ANK3: variants seen among roughly 807,000 people sequenced by gnomAD.
ANK3 encodes the protein ankyrin 3, also known as ankyrin-3.
In ANK3, 57 loss-of-function variants were observed where a neutral mutation model predicts 370.9. The ratio of observed to expected loss-of-function variants is 0.15; its 90% confidence interval spans 0.12 to 0.19. The LOEUF (loss-of-function observed/expected upper bound fraction) is 0.19, where lower values mean the gene tolerates loss of function less well. Ranked by LOEUF, ANK3 falls within the 10% of genes least tolerant of loss-of-function variation. The probability of loss-of-function intolerance (pLI) is 1.00; values close to 1 mark genes in which losing one functional copy is unlikely to be tolerated. For synonymous variants in ANK3, 1,929 were observed against 1,946.3 expected (o/e 0.99, Z 0.23); for missense variants, 4,439 against 5,302.1 (o/e 0.84, Z 5.06).
At chr10:60,509,317 T>G (rs2076021513) in intron 2 of ANK3, among the ~76,000 whole-genome samples, 2 of 152,158 alleles carry the variant, frequency 1.3e-5, no homozygotes, top group South Asian at 4.1e-4. Flanking sequence ...TCACATATTG[T>G]GTCAAATACC....
intron 8 of ANK3, among the ~76,000 whole-genome samples, chr10:60,231,690 A>C (rs2097249318): frequency 1.3e-5 from 2 of 152,178 alleles, no homozygotes; most frequent in Non-Finnish European, 2.9e-5. Flanking sequence ...ATTTTGATGA[A>C]GAGAACACAA....
chr10:60,157,939 G>A (rs555262623), intron 23 of ANK3, among the ~76,000 whole-genome samples: 10 of 149,258 alleles, frequency 6.7e-5, no homozygotes, highest in Non-Finnish European at 1.2e-4. Flanking sequence ...CGGCAGGGAA[G>A]GAGGGAGGGA....
At chr10:60,320,529 G>T (rs559207667) in intron 1 of ANK3, among the ~76,000 whole-genome samples, 99 of 152,308 alleles carry the variant, frequency 6.5e-4, no homozygotes, top group African/African-American at 2.3e-3. Context: ...AACCTAGGAG[G>T]TGAAGGTTGC....
intron 2 of ANK3, among the ~76,000 whole-genome samples, chr10:60,503,115 T>C (rs1174377413): frequency 6.6e-6 from 1 of 152,220 alleles, no homozygotes; most frequent in Non-Finnish European, 1.5e-5. Flanking sequence ...GTAGGTTGAA[T>C]GGATTCTGTT....
At position 60,080,579 on chromosome 10, in the gene ANK3, C is replaced by G; in HGVS notation, c.4390G>C (p.Ala1464Pro). The part of the protein sequence containing the change: ...TDRRQSFASL[A>P]LRKRYSYLTE... ...AAGTAGCTGTAGCGCTTACGTAAAGCTAAGGATGCGAAGCTCTGTCGTCTA... is the reference window on the plus strand; with the variant it reads ...AAGTAGCTGTAGCGCTTACGTAAAGGTAAGGATGCGAAGCTCTGTCGTCTA... The change falls in exon 36 of 44, where the codon GCT becomes CCT. Residue 1464 changes from alanine to proline, a missense_variant. Transcript: ENST00000280772. The G allele has an allele frequency of 6.2e-7, 1 of 1,609,184 alleles. No individual in the cohort carries two copies. The highest frequency in any genetic ancestry group is 8.5e-7 in the Non-Finnish European group (1 of 1,178,682).
chr10:60,636,344 C>A (rs1284336476), intron 1 of ANK3, among the ~76,000 whole-genome samples: 1 of 152,102 alleles, frequency 6.6e-6, no homozygotes, highest in African/African-American at 2.4e-5. Flanking sequence ...AGTGACTTGA[C>A]CAAGATTGCT....
chr10:60,498,289 T>C (rs1015468175), intron 2 of ANK3, among the ~76,000 whole-genome samples: 3 of 152,360 alleles, frequency 2.0e-5, no homozygotes, highest in African/African-American at 2.4e-5. Flanking sequence ...GTTTGTGATA[T>C]GCAGTTCAGT....
At chr10:60,130,938 CTG>C (rs2094028995) in intron 25 of ANK3, among the ~76,000 whole-genome samples, 1 of 152,296 alleles carries the variant, frequency 6.6e-6, no homozygotes, top group Admixed American at 6.5e-5. Context: ...AGTTGAAAAA[CTG>C]TATAAAAAAT....
chr10:60,446,428 C>A (rs191108028), intron 2 of ANK3, among the ~76,000 whole-genome samples: 126 of 152,280 alleles, frequency 8.3e-4, no homozygotes, highest in African/African-American at 2.8e-3. Context: ...GTGAGCCCCC[C>A]CTTCCTCTTC....
chr10:60,240,271 TAC>T (rs1399752137), intron 7 of ANK3, among the ~76,000 whole-genome samples: 2,809 of 124,394 alleles, frequency 0.023, 109 homozygotes, highest in African/African-American at 0.077. Flanking sequence ...CACATATATA[TAC>T]ACACACACAT....
chr10:60,154,891 A>G (rs938586690), intron 23 of ANK3, among the ~76,000 whole-genome samples: 10 of 151,922 alleles, frequency 6.6e-5, no homozygotes, highest in Admixed American at 1.3e-4. Context: ...GTTAAAATCT[A>G]TTTGAAATTA....
intron 2 of ANK3, among the ~76,000 whole-genome samples, chr10:60,541,311 G>A (rs952901240): frequency 3.9e-4 from 60 of 151,980 alleles, no homozygotes; most frequent in African/African-American, 1.3e-3. Flanking sequence ...TCTCTATATT[G>A]TTCATATTTC....
intron 2 of ANK3, among the ~76,000 whole-genome samples, chr10:60,559,235 C>G (rs958960835): frequency 2.0e-5 from 3 of 152,104 alleles, no homozygotes; most frequent in African/African-American, 7.2e-5. Flanking sequence ...ACACTGTACC[C>G]ATTGTATAGT....
intron 2 of ANK3, among the ~76,000 whole-genome samples, chr10:60,462,374 C>A (rs1433863303): frequency 3.3e-5 from 5 of 152,000 alleles, no homozygotes; most frequent in Admixed American, 1.3e-4. Flanking sequence ...TCTTTGATAA[C>A]CCTGAGTGTA....
At chr10:60,347,842 G>A (rs1016735683) in intron 1 of ANK3, among the ~76,000 whole-genome samples, 1 of 152,290 alleles carries the variant, frequency 6.6e-6, no homozygotes, top group South Asian at 2.1e-4. Flanking sequence ...GTTCTCAGCT[G>A]ATGCTGATTC....
At chr10:60,336,094 G>A (rs144194214) in intron 1 of ANK3, among the ~76,000 whole-genome samples, 5 of 151,940 alleles carry the variant, frequency 3.3e-5, no homozygotes, top group Non-Finnish European at 5.9e-5. Flanking sequence ...GTTTGGCGGG[G>A]GGGGGAAGCT....
At chr10:60,274,666 C>T (rs1250745883) in intron 4 of ANK3, among the ~76,000 whole-genome samples, 1 of 152,198 alleles carries the variant, frequency 6.6e-6, no homozygotes, top group African/African-American at 2.4e-5. Context: ...TCTTCTCACT[C>T]TGTTCTCCCA....
intron 1 of ANK3, among the ~76,000 whole-genome samples, chr10:60,706,241 C>A (rs1303558853): frequency 2.0e-5 from 3 of 152,162 alleles, no homozygotes; most frequent in African/African-American, 7.2e-5. Flanking sequence ...CACCTAAATG[C>A]AAAGGGCATC....
Position 60,074,056 on chromosome 10 carries a change from G to A in ANK3, c.6825C>T (p.Asp2275=), listed in dbSNP as rs1412187383. Residue 2275 remains aspartate (D), a synonymous_variant, in exon 37 of 44, where the codon GAC becomes GAT. Transcript: ENST00000280772. ...GCCCGGACTGAAAGGCCTTCATGAT[G>A]TCATGGACTGACATGGTTTCTTCAA... ...ERIEETMSVH[D]IMKAFQSGRD... 1 of 1,613,978 alleles carries A rather than the reference G, an allele frequency of 6.2e-7. No homozygotes were observed. Among genetic ancestry groups the A allele is most frequent in the Non-Finnish European group, 8.5e-7 (1 of 1,180,002 alleles).
Sources: allele counts gnomAD v4.1 joint callset (sites outside exome capture counted in the v4.1 genomes callset), GRCh38; gene constraint gnomAD v4.1.1; transcripts MANE v1.5; gene names NCBI Gene and HGNC (gene_info 2026-07-23, HGNC 2026-07-21).